Variants in PRR5L observed in about 807,000 individuals in gnomAD.
PRR5L encodes the protein proline-rich protein 5-like.
A neutral mutation model predicts 36.4 loss-of-function variants in PRR5L; 21 were observed. That is an observed-to-expected ratio of 0.58 (90% CI 0.41 to 0.83). The LOEUF is 0.83. Ranked by LOEUF, PRR5L falls within the 40% of genes least tolerant of loss-of-function variation. The pLI is 0.00. For missense variants in PRR5L, 381 were observed against 473.3 expected (o/e 0.80, Z 1.81); for synonymous variants, 188 against 197.0 (o/e 0.95, Z 0.38).
intron 6 of PRR5L, among the ~76,000 whole-genome samples, chr11:36,441,785 A>G (rs886583074): frequency 6.6e-5 from 10 of 152,222 alleles, no homozygotes; most frequent in African/African-American, 2.4e-4. Context: ...ATCTAGGTGG[A>G]AGCTGCAAAG....
chr11:36,369,978 C>A (rs1857182166), intron 1 of PRR5L, among the ~76,000 whole-genome samples: 2 of 152,166 alleles, frequency 1.3e-5, no homozygotes, highest in Admixed American at 1.3e-4. Flanking sequence ...AATGGAGTGT[C>A]TTCCATTGAT....
intron 1 of PRR5L, 72 bp from the exon 2 acceptor site, chr11:36,400,924 AG>A: frequency 8.2e-7 from 1 of 1,220,264 alleles, no homozygotes. Flanking sequence ...TAGGCTGGAA[AG>A]TCCCAGCCAA....
At position 36,403,377 on chromosome 11, in the gene PRR5L, A is replaced by C; in HGVS notation, c.244A>C (p.Arg82=). 2 of 1,613,490 alleles carry C rather than the reference A, an allele frequency of 1.2e-6. No homozygotes were observed. The highest frequency in any genetic ancestry group is 1.7e-6 in the Non-Finnish European group (2 of 1,179,686). Residue 82 remains arginine (R), a splice_region_variant and synonymous_variant, in exon 3 of 9, where the codon AGG becomes CGG. Coordinates refer to ENST00000530639, the MANE Select transcript of PRR5L (RefSeq NM_001160167.2). ...NELYALNENI[R]RLLKSELGSF... is the part of the protein sequence containing the mutation. ...GCTCTATGCCCTGAACGAAAACATCAGGTATGTGGCAGGCCAGACTTGGTG... is the reference window on the plus strand; with the variant it reads ...GCTCTATGCCCTGAACGAAAACATCCGGTATGTGGCAGGCCAGACTTGGTG...
chr11:36,432,041 C>T (rs555416727), intron 5 of PRR5L, 131 bp downstream of exon 5: 19 of 676,382 alleles, frequency 2.8e-5, no homozygotes, highest in African/African-American at 2.5e-4. Flanking sequence ...TTCCTCCCTA[C>T]CTAGGCAGCA....
intron 1 of PRR5L, among the ~76,000 whole-genome samples, chr11:36,307,850 C>T (rs1026450992): frequency 3.3e-5 from 5 of 152,224 alleles, no homozygotes; most frequent in East Asian, 1.9e-4. Flanking sequence ...CCCTTTGCTA[C>T]GTCCAGGGGA....
chr11:36,320,580 A>G (rs1338218736), intron 1 of PRR5L, among the ~76,000 whole-genome samples: 1 of 152,158 alleles, frequency 6.6e-6, no homozygotes, highest in African/African-American at 2.4e-5. Flanking sequence ...CTCATGTTAC[A>G]TAATGTCTGT....
intron 1 of PRR5L, among the ~76,000 whole-genome samples, chr11:36,394,953 C>CATCTGAT (rs1266946839): frequency 6.6e-6 from 1 of 152,176 alleles, no homozygotes; most frequent in East Asian, 1.9e-4. Context: ...CTGAGTGATA[C>CATCTGAT]ACATTTGTGG....
At chr11:36,454,040 TG>T (rs1355143791) in intron 8 of PRR5L, 2 of 152,536 alleles carry the variant, frequency 1.3e-5, no homozygotes, top group Admixed American at 1.3e-4. Flanking sequence ...CTGGGGGTGC[TG>T]GATGCTGGAC....
intron 8 of PRR5L, among the ~76,000 whole-genome samples, chr11:36,451,932 T>C (rs931365988): frequency 6.6e-6 from 1 of 152,128 alleles, no homozygotes; most frequent in Admixed American, 6.5e-5. Flanking sequence ...CCAGGCACCA[T>C]GGAAAATCTG....
At chr11:36,440,563 T>C (rs1355527026) in intron 6 of PRR5L, among the ~76,000 whole-genome samples, 1 of 152,026 alleles carries the variant, frequency 6.6e-6, no homozygotes, top group Non-Finnish European at 1.5e-5. Flanking sequence ...AACAGAATAA[T>C]CTGGGGAAGA....
chr11:36,360,033 TCA>T (rs34561988), intron 1 of PRR5L, among the ~76,000 whole-genome samples: 58,537 of 146,304 alleles, frequency 0.4, 12,775 homozygotes, highest in Admixed American at 0.49. Flanking sequence ...TGAGACTCTG[TCA>T]CACACACACA....
intron 8 of PRR5L, 101 bp from the exon 9 acceptor site, chr11:36,462,241 A>G (rs1251830557): frequency 1.8e-5 from 22 of 1,196,094 alleles, no homozygotes; most frequent in Non-Finnish European, 2.5e-5. Flanking sequence ...AGCTGCTCCT[A>G]AAGGTTGAGC....
chr11:36,415,122 G>A (rs1174986154), intron 3 of PRR5L, among the ~76,000 whole-genome samples: 1 of 151,758 alleles, frequency 6.6e-6, no homozygotes, highest in Non-Finnish European at 1.5e-5. Flanking sequence ...TAGCCTTGTA[G>A]TATAGTTTGA....
chr11:36,362,175 G>T (rs1367457569), intron 1 of PRR5L: 5 of 150,658 alleles, frequency 3.3e-5, no homozygotes, highest in Admixed American at 6.6e-5. Flanking sequence ...AACTTGCTCC[G>T]AGTGATGTAG....
intron 8 of PRR5L, among the ~76,000 whole-genome samples, chr11:36,451,965 T>G (rs967317461): frequency 1.3e-5 from 2 of 152,008 alleles, no homozygotes; most frequent in Non-Finnish European, 2.9e-5. Flanking sequence ...ATCTGTTCCT[T>G]CTCTCAGTGA....
intron 1 of PRR5L, among the ~76,000 whole-genome samples, chr11:36,353,856 C>T (rs1857000054): frequency 6.6e-6 from 1 of 152,048 alleles, no homozygotes; most frequent in Admixed American, 6.6e-5. Flanking sequence ...GATCCGCTGC[C>T]TGGGGGTTGG....
chr11:36,425,753 C>T (rs1858368024), intron 4 of PRR5L: 1 of 151,952 alleles, frequency 6.6e-6, no homozygotes, highest in South Asian at 2.1e-4. Flanking sequence ...TCTAGGAAGG[C>T]ATCCAGGTTC....
chr11:36,303,526 T>C (rs1283257565), intron 1 of PRR5L, among the ~76,000 whole-genome samples: 1 of 152,222 alleles, frequency 6.6e-6, no homozygotes, highest in East Asian at 1.9e-4. Flanking sequence ...TTGGTGCAAC[T>C]TGCCATTTTC....
In PRR5L at chr11:36,451,252, T is replaced by C. The variant is rs773951211; in HGVS notation, c.629T>C (p.Leu210Pro). Residue 210 changes from leucine to proline, a missense_variant, in exon 8 of 9, where the codon CTG becomes CCG. Transcript: ENST00000530639. ...GGCCCAAGTGAGAGTTATTTGCAACTGGAGGAGCTGGTGAAGCAAGTGGTT... is the reference window on the plus strand; with the variant it reads ...GGCCCAAGTGAGAGTTATTTGCAACCGGAGGAGCTGGTGAAGCAAGTGGTT... ...PTGPSESYLQ[L>P]EELVKQVVSP... 4 of 1,614,070 alleles carry C rather than the reference T, an allele frequency of 2.5e-6. No homozygotes were observed. In the East Asian group the frequency reaches 8.9e-5, roughly 36 times the overall value.
Sources: allele counts gnomAD v4.1 joint callset (sites outside exome capture counted in the v4.1 genomes callset), GRCh38; gene constraint gnomAD v4.1.1; transcripts MANE v1.5; gene names NCBI Gene and HGNC (gene_info 2026-07-23, HGNC 2026-07-21).